Variants in NDST3 observed in about 807,000 individuals in gnomAD.
The protein encoded by NDST3 is bifunctional heparan sulfate N-deacetylase/N-sulfotransferase 3.
In NDST3, 58 loss-of-function variants were observed where a neutral mutation model predicts 96.1. That is an observed-to-expected ratio of 0.60 (90% CI 0.49 to 0.75). NDST3 has a LOEUF of 0.75. Among genes scored for constraint, NDST3 ranks in the 30% least tolerant of loss-of-function variants. The pLI, the probability that NDST3 is intolerant of heterozygous loss-of-function variation, is 0.00. For missense variants in NDST3, 788 were observed against 1,034.2 expected (o/e 0.76, Z 3.27); for synonymous variants, 333 against 359.7 (o/e 0.93, Z 0.84).
At chr4:118,245,541 G>T (rs919740556) in intron 12 of NDST3, among the ~76,000 whole-genome samples, 1 of 152,108 alleles carries the variant, frequency 6.6e-6, no homozygotes, top group Non-Finnish European at 1.5e-5. Context: ...AATTTATATT[G>T]CCCGGGAATT....
chr4:118,046,556 T>G (rs1724772354), intron 1 of NDST3, among the ~76,000 whole-genome samples: 1 of 152,172 alleles, frequency 6.6e-6, no homozygotes. Flanking sequence ...CAGGAACATA[T>G]GCACAGTACA....
intron 6 of NDST3, among the ~76,000 whole-genome samples, chr4:118,189,438 T>G (rs1339988252): frequency 6.6e-6 from 1 of 152,220 alleles, no homozygotes; most frequent in Non-Finnish European, 1.5e-5. Context: ...ATGTCTTTTT[T>G]GGATGTTTCA....
At position 118,054,249 on chromosome 4, in the gene NDST3, A is replaced by G. The variant is rs780807692; in HGVS notation, c.339A>G (p.Gly113=). The change falls in exon 2 of 14, where the codon GGA becomes GGG. Residue 113 remains glycine (G), a synonymous_variant. Transcript: ENST00000296499. ...RFQYHIEIAP[G]KGDLPVLIDK... is the part of the protein sequence containing the mutation. ...AGTATCACATTGAAATTGCCCCTGG[A>G]AAGGGAGATCTCCCAGTGCTTATAG... is the stretch of plus-strand genomic sequence containing the variant. The G allele has an allele frequency of 2.5e-6, 4 of 1,612,830 alleles. No individual in the cohort carries two copies. The highest frequency in any genetic ancestry group is 2.5e-6 in the Non-Finnish European group (3 of 1,179,382).
At chr4:118,064,199 G>A (rs192270630) in intron 2 of NDST3, among the ~76,000 whole-genome samples, 3 of 152,252 alleles carry the variant, frequency 2.0e-5, no homozygotes, top group African/African-American at 7.2e-5. Context: ...CTATCTGTAT[G>A]TACTCAGATT....
At chr4:118,142,299 T>C (rs77329870) in intron 5 of NDST3, among the ~76,000 whole-genome samples, 6,947 of 151,952 alleles carry the variant, frequency 0.046, 276 homozygotes, top group African/African-American at 0.11. Context: ...AAATAGGATA[T>C]ATAGAGTTTT....
rs1207672400 is a variant in NDST3 at position 118,163,494 on chromosome 4, CG to C, written c.1539+19811del. 4.6e-4 allele frequency among the ~76,000 whole-genome samples: 70 copies of C among 151,804 alleles called. 1 individual carries two copies. The highest frequency in any genetic ancestry group is 5.3e-4 in the Non-Finnish European group (36 of 67,996). ...GAAATCATCATTCTCAGTAAACTAT[CG>C]CAAGAACAAAAAACCAAACACCGCA... On this transcript the variant is annotated intron_variant, in intron 6 of 13. Coordinates refer to ENST00000296499, the MANE Select transcript of NDST3 (RefSeq NM_004784.3).
At chr4:118,117,856 T>C (rs1345388803) in intron 4 of NDST3, among the ~76,000 whole-genome samples, 1 of 152,208 alleles carries the variant, frequency 6.6e-6, no homozygotes, top group East Asian at 1.9e-4. Context: ...AGATTTCTTT[T>C]CTGCTGGTAA....
At chr4:118,151,690 T>G (rs1734410365) in intron 6 of NDST3, among the ~76,000 whole-genome samples, 1 of 152,056 alleles carries the variant, frequency 6.6e-6, no homozygotes, top group Admixed American at 6.6e-5. Context: ...AGAATCAAGG[T>G]TTCAGAATGG....
intron 9 of NDST3, among the ~76,000 whole-genome samples, chr4:118,235,255 C>T (rs1740564046): frequency 6.6e-6 from 1 of 152,156 alleles, no homozygotes; most frequent in Non-Finnish European, 1.5e-5. Context: ...TTTGAATAAC[C>T]TGAATTTACA....
chr4:118,224,370 C>T lies in NDST3; in HGVS notation c.1540-121C>T, dbSNP rs576623319. ...GGGACATGTCCCAAATCCAAAAACA[C>T]GCCATCAACTGAAACCCTGTGCAGA... On this transcript the variant is annotated intron_variant, in intron 6 of 13. Coordinates refer to ENST00000296499, the MANE Select transcript of NDST3 (RefSeq NM_004784.3). 3.8e-5 allele frequency: 28 copies of T among 735,978 alleles called. No homozygotes were observed. The African/African-American group carries it at 4.5e-4, about 12-fold the overall frequency. 45.6% of individuals were successfully genotyped at this position (735,978 alleles called of 1,614,324 possible).
At chr4:118,037,900 A>G (rs1034006782) in intron 1 of NDST3, among the ~76,000 whole-genome samples, 5 of 152,182 alleles carry the variant, frequency 3.3e-5, no homozygotes, top group African/African-American at 9.7e-5. Context: ...AACCTCCTCA[A>G]GACTCCCTAT....
chr4:118,257,234 G>A lies in NDST3; in HGVS notation c.*1522G>A, dbSNP rs1560752398. The A allele has an allele frequency of 1.3e-5, 2 of 152,132 alleles. No individual in the cohort carries two copies. The highest frequency in any genetic ancestry group is 4.8e-5 in the African/African-American group (2 of 41,366). The allele number at this position is 152,132 out of a possible 1,614,324, so 9.4% of individuals were successfully genotyped here. A position where few individuals can be genotyped will look rare whatever the true frequency, so the allele number is the denominator to read the frequency against. On this transcript the variant is annotated 3_prime_UTR_variant, in exon 14 of 14. Transcript: ENST00000296499. Reference sequence around the variant, plus strand: ...GCTCACTGCAACCTCCGCCTCCTGGGTTCAAGTGATTCTCCTGCCTCAGCC... The same window carrying A: ...GCTCACTGCAACCTCCGCCTCCTGGATTCAAGTGATTCTCCTGCCTCAGCC...
At position 118,095,036 on chromosome 4, in the gene NDST3, T is replaced by A. The variant is rs188625980; in HGVS notation, c.982-9982T>A. The stretch of plus-strand genomic sequence containing the variant: ...CATCACCTTGTACACTATAAATACA[T>A]GCAATTTTTATTTGTCAATTATACC... On this transcript the variant is annotated intron_variant, in intron 2 of 13. Transcript: ENST00000296499. 1.8e-4 allele frequency among the ~76,000 whole-genome samples: 28 copies of A among 151,920 alleles called. No homozygotes were observed. In the East Asian group the frequency reaches 4.8e-3, roughly 26 times the overall value.
Position 118,122,853 on chromosome 4 carries a change from T to A in NDST3, c.1224+7893T>A, listed in dbSNP as rs113195125. Among the ~76,000 whole-genome samples the A allele has an allele frequency of 4.7e-3, 721 of 152,312 alleles. 8 individuals are homozygous for A. Among genetic ancestry groups the A allele is most frequent in the African/African-American group, 0.016 (665 of 41,586 alleles). On this transcript the variant is annotated intron_variant, in intron 4 of 13. Transcript: ENST00000296499. ...TTCTCCCAACCACCTGTGAGGTTGC[T>A]TATTCTCGTATTGAAAATGAAGAAA...
intron 9 of NDST3, among the ~76,000 whole-genome samples, chr4:118,236,672 T>C (rs1199843922): frequency 2.6e-5 from 4 of 152,222 alleles, no homozygotes; most frequent in Non-Finnish European, 5.9e-5. Flanking sequence ...GAACATATCG[T>C]CTGTTTTAAT....
chr4:118,124,467 C>T (rs78265483), intron 4 of NDST3, among the ~76,000 whole-genome samples: 6 of 152,060 alleles, frequency 3.9e-5, no homozygotes, highest in African/African-American at 9.6e-5. Flanking sequence ...GTTTTATTAC[C>T]CTTACTTGGC....
intron 1 of NDST3, among the ~76,000 whole-genome samples, chr4:118,045,031 TC>T (rs1724684073): frequency 6.6e-6 from 1 of 152,108 alleles, no homozygotes; most frequent in African/African-American, 2.4e-5. Context: ...CCATAAGATC[TC>T]CCTACAATCT....
intron 6 of NDST3, among the ~76,000 whole-genome samples, chr4:118,187,764 T>C (rs28823876): frequency 0.012 from 1,798 of 152,310 alleles, 30 homozygotes; most frequent in African/African-American, 0.041. Flanking sequence ...TGCCATCTTC[T>C]TGGGGAGAAA....
At chr4:118,149,062 T>A (rs1194880713) in intron 6 of NDST3, among the ~76,000 whole-genome samples, 1 of 152,094 alleles carries the variant, frequency 6.6e-6, no homozygotes, top group African/African-American at 2.4e-5. Flanking sequence ...ATCAGATAGT[T>A]GTAGATATGC....
Sources: gnomAD v4.1 joint callset for allele counts (sites outside exome capture counted in the v4.1 genomes callset) on GRCh38, gnomAD v4.1.1 for gene constraint, MANE v1.5 for transcripts, NCBI Gene and HGNC (gene_info 2026-07-23, HGNC 2026-07-21) for gene names.